Variants in LRP1B observed in about 807,000 individuals in gnomAD.
LRP1B encodes the protein low-density lipoprotein receptor-related protein 1B.
In LRP1B, 217 loss-of-function variants were observed where a neutral mutation model predicts 556.6. The ratio of observed to expected loss-of-function variants is 0.39; its 90% CI spans 0.35 to 0.44. The LOEUF (loss-of-function observed/expected upper bound fraction) is 0.44. LRP1B is among the 20% of genes least tolerant of loss of function. LRP1B has a pLI of 1.00. For missense variants in LRP1B, 5,053 were observed against 5,620.8 expected, an observed-to-expected ratio of 0.90 and a Z score of 3.23; for synonymous variants, 2,047 against 1,865.8, an observed-to-expected ratio of 1.10 and a Z score of -2.50.
chr2:140,424,974 T>C (rs1259835995), intron 66 of LRP1B, among the ~76,000 whole-genome samples: 1 of 152,186 alleles, frequency 6.6e-6, no homozygotes, highest in Non-Finnish European at 1.5e-5. Context: ...GCTTATTTTA[T>C]TGTATTTATT....
At chr2:140,304,937 G>C (rs976425747) in intron 83 of LRP1B, among the ~76,000 whole-genome samples, 1 of 151,966 alleles carries the variant, frequency 6.6e-6, no homozygotes, top group Non-Finnish European at 1.5e-5. Context: ...TCTTGTTTTT[G>C]TCAGGTTTGT....
intron 2 of LRP1B, among the ~76,000 whole-genome samples, chr2:141,741,256 T>C (rs1402627395): frequency 1.4e-5 from 2 of 145,498 alleles, no homozygotes; most frequent in Admixed American, 6.8e-5. Flanking sequence ...TTCAGTATAC[T>C]GATTTCCTTT....
intron 2 of LRP1B, among the ~76,000 whole-genome samples, chr2:141,679,180 A>G (rs745846138): frequency 1.3e-5 from 2 of 152,116 alleles, no homozygotes; most frequent in Non-Finnish European, 2.9e-5. Flanking sequence ...CCTGGTAATA[A>G]CACACGAGTA....
rs1459464622 is a variant in LRP1B, at chr2:140,238,551, TC to T, written c.13416-256del. On this transcript the variant is annotated intron_variant, in intron 88 of 90. Coordinates refer to ENST00000389484, the MANE Select transcript of LRP1B (RefSeq NM_018557.3). The stretch of plus-strand genomic sequence containing the variant: ...TCATTTGAAATTGAATATTTACCAA[TC>T]TTTTTAAATTCTATTTTTTCTCCTT... 2.7e-5 allele frequency among the ~76,000 whole-genome samples: 4 copies of T among 150,936 alleles called. No individual in the cohort carries two copies. The East Asian group carries it at 7.8e-4, about 29-fold the overall frequency.
chr2:141,456,277 T>A (rs1395283238), intron 3 of LRP1B, among the ~76,000 whole-genome samples: 2 of 152,240 alleles, frequency 1.3e-5, no homozygotes, highest in African/African-American at 4.8e-5. Context: ...ATCTATTATT[T>A]ACTTTTAAGT....
At chr2:141,241,077 C>A (rs1004661666) in intron 5 of LRP1B, among the ~76,000 whole-genome samples, 27 of 151,918 alleles carry the variant, frequency 1.8e-4, no homozygotes, top group African/African-American at 6.0e-4. Context: ...ATTTTGTACC[C>A]CAGCACTGAC....
At chr2:140,730,369 TTAGA>T (rs1317734461) in intron 35 of LRP1B, among the ~76,000 whole-genome samples, 1 of 152,190 alleles carries the variant, frequency 6.6e-6, no homozygotes, top group South Asian at 2.1e-4. Flanking sequence ...GGCAATTCAC[TTAGA>T]TAGCATCCAA....
rs772215128 is a variant in LRP1B, at chr2:141,852,158, C to G, written c.83-41757G>C. Among the ~76,000 whole-genome samples the G allele has an allele frequency of 2.6e-5, 4 of 151,668 alleles. No individual in the cohort carries two copies. The East Asian group carries it at 5.8e-4, about 22-fold the overall frequency. Reference sequence around the variant, plus strand: ...AAGGGGTTAACGGTATGGTCAGTTGCAGTGATTTGCACTGAATTCATCTTT... The same window carrying G: ...AAGGGGTTAACGGTATGGTCAGTTGGAGTGATTTGCACTGAATTCATCTTT... On this transcript the variant is annotated intron_variant, in intron 1 of 90. Transcript: ENST00000389484.
At chr2:142,059,526 G>T (rs1307637106) in intron 1 of LRP1B, among the ~76,000 whole-genome samples, 1 of 116,380 alleles carries the variant, frequency 8.6e-6, no homozygotes, top group Non-Finnish European at 2.0e-5. Context: ...TCCTGCAAAA[G>T]AACCAGTTTT....
chr2:140,792,004 AAGG>A (rs1311851241), intron 32 of LRP1B, among the ~76,000 whole-genome samples: 3 of 152,172 alleles, frequency 2.0e-5, no homozygotes, highest in Non-Finnish European at 4.4e-5. Context: ...ATACCAGGAA[AAGG>A]AGAATGACTC....
chr2:140,951,287 T>C (rs918121865), intron 19 of LRP1B, among the ~76,000 whole-genome samples: 13 of 152,194 alleles, frequency 8.5e-5, no homozygotes, highest in Non-Finnish European at 1.9e-4. Context: ...AAATGATTTA[T>C]ATTCTTTATT....
intron 1 of LRP1B, among the ~76,000 whole-genome samples, chr2:142,118,250 C>T (rs1475348711): frequency 6.6e-6 from 1 of 152,090 alleles, no homozygotes; most frequent in East Asian, 1.9e-4. Context: ...GTGATGGAGC[C>T]ATTACTGTTG....
intron 35 of LRP1B, among the ~76,000 whole-genome samples, chr2:140,768,339 C>G (rs1252736329): frequency 2.0e-5 from 3 of 151,700 alleles, no homozygotes; most frequent in Non-Finnish European, 2.9e-5. Flanking sequence ...TATTATAAAT[C>G]AAATAGCTAT....
At chr2:140,498,697 G>T (rs980815498) in intron 55 of LRP1B, among the ~76,000 whole-genome samples, 2 of 151,798 alleles carry the variant, frequency 1.3e-5, no homozygotes, top group Non-Finnish European at 2.9e-5. Context: ...ATTTTGCAAC[G>T]TGGTAGAAGC....
At chr2:141,606,875 TA>T (rs1391708428) in intron 2 of LRP1B, among the ~76,000 whole-genome samples, 1 of 152,160 alleles carries the variant, frequency 6.6e-6, no homozygotes, top group Non-Finnish European at 1.5e-5. Flanking sequence ...AGGAATATAT[TA>T]AAAATACAGT....
chr2:141,702,011 A>C (rs1011522224), intron 2 of LRP1B, among the ~76,000 whole-genome samples: 2 of 151,936 alleles, frequency 1.3e-5, no homozygotes, highest in Admixed American at 1.3e-4. Flanking sequence ...ACCAAATGCC[A>C]AACAACCACA....
intron 25 of LRP1B, among the ~76,000 whole-genome samples, chr2:140,873,908 A>G (rs1035986601): frequency 2.0e-5 from 3 of 151,758 alleles, no homozygotes; most frequent in Admixed American, 2.0e-4. Context: ...GAAATAAGAG[A>G]AATGTAAAGA....
At chr2:141,558,220 C>T (rs1686030075) in intron 2 of LRP1B, among the ~76,000 whole-genome samples, 1 of 151,832 alleles carries the variant, frequency 6.6e-6, no homozygotes. Context: ...ACTAGTAGGT[C>T]ACCAAGGAGA....
intron 2 of LRP1B, among the ~76,000 whole-genome samples, chr2:141,627,479 G>C (rs1358307785): frequency 1.3e-5 from 2 of 152,194 alleles, no homozygotes; most frequent in Admixed American, 6.5e-5. Flanking sequence ...CACAGCAGGA[G>C]ATGAGCTGCA....
Sources: gnomAD v4.1 joint callset for allele counts (sites outside exome capture counted in the v4.1 genomes callset) on GRCh38, gnomAD v4.1.1 for gene constraint, MANE v1.5 for transcripts, NCBI Gene and HGNC (gene_info 2026-07-23, HGNC 2026-07-21) for gene names.